ZNF385D: variants seen among roughly 807,000 people sequenced by gnomAD.
ZNF385D encodes zinc finger protein 385D.
Under a neutral mutation model 35.8 loss-of-function variants are expected in ZNF385D, and 15 were observed. The observed-to-expected ratio is 0.42, with a 90% confidence interval of 0.28 to 0.64. ZNF385D has a LOEUF of 0.64. Ranked by LOEUF, ZNF385D falls within the 30% of genes least tolerant of loss-of-function variation. ZNF385D has a pLI of 0.23. For synonymous variants in ZNF385D, 212 were observed against 186.8 expected (o/e 1.13, Z -1.10); for missense variants, 474 against 494.6 (o/e 0.96, Z 0.39).
chr3:22,080,099 GT>G (rs1700672545), intron 3 of ZNF385D, among the ~76,000 whole-genome samples: 1 of 152,092 alleles, frequency 6.6e-6, no homozygotes, highest in South Asian at 2.1e-4. Context: ...TTTATAAGAT[GT>G]TTTTGCCATT....
chr3:21,964,198 A>T (rs1444179283), intron 3 of ZNF385D, among the ~76,000 whole-genome samples: 1 of 151,978 alleles, frequency 6.6e-6, no homozygotes, highest in East Asian at 1.9e-4. Context: ...AATCAAGGTA[A>T]GTTTAAACTA....
In ZNF385D at chr3:21,757,120, C is replaced by CTTTTTTTTTTTTTTTTTTTTTTTTTTTT. The variant is rs61226426; in HGVS notation, c.326-92093_326-92092insAAAAAAAAAAAAAAAAAAAAAAAAAAAA. On this transcript the variant is annotated intron_variant, in intron 3 of 5. Transcript: ENST00000494108. ...CTTTGGAGACATATGATAAATTTCTCTTTTTTTTTTTTTTTTTTTGTTTTC... is the reference window on the plus strand; with the variant it reads ...CTTTGGAGACATATGATAAATTTCTCTTTTTTTTTTTTTTTTTTTTTTTTTTTTTTTTTTTTTTTTTTTTTTTGTTTTC... Among the ~76,000 whole-genome samples the CTTTTTTTTTTTTTTTTTTTTTTTTTTTT allele has an allele frequency of 2.8e-4, 30 of 106,402 alleles. 3 individuals are homozygous for CTTTTTTTTTTTTTTTTTTTTTTTTTTTT. Among genetic ancestry groups the CTTTTTTTTTTTTTTTTTTTTTTTTTTTT allele is most frequent in the African/African-American group, 8.3e-4 (23 of 27,870 alleles). The allele number at this position is 106,402 out of a possible 152,430, so 69.8% of individuals were successfully genotyped here. A position where few individuals can be genotyped will look rare whatever the true frequency, so the allele number is the denominator to read the frequency against.
At chr3:22,139,522 A>C in intron 3 of ZNF385D, among the ~76,000 whole-genome samples, 1 of 150,956 alleles carries the variant, frequency 6.6e-6, no homozygotes, top group East Asian at 2.0e-4. Context: ...AGGACAACAA[A>C]CCAAACACCT....
chr3:22,153,948 CCTCT>C (rs1324551077), intron 3 of ZNF385D, among the ~76,000 whole-genome samples: 2 of 152,160 alleles, frequency 1.3e-5, no homozygotes, highest in African/African-American at 2.4e-5. Context: ...GCACTCTCTC[CCTCT>C]GTTAGTTCAC....
At chr3:22,133,033 G>A (rs542097973) in intron 3 of ZNF385D, among the ~76,000 whole-genome samples, 24 of 152,012 alleles carry the variant, frequency 1.6e-4, no homozygotes, top group African/African-American at 4.8e-4. Context: ...GTTTCCCCAA[G>A]GACTAAAATT....
chr3:21,607,045 G>T (rs1388359635), intron 2 of ZNF385D, among the ~76,000 whole-genome samples: 2 of 152,004 alleles, frequency 1.3e-5, no homozygotes, highest in Admixed American at 6.6e-5. Context: ...TCACTTCTGA[G>T]GCACTTACAG....
chr3:22,341,815 T>A (rs777694134), intron 2 of ZNF385D, among the ~76,000 whole-genome samples: 19 of 152,210 alleles, frequency 1.2e-4, no homozygotes, highest in Non-Finnish European at 2.2e-4. Flanking sequence ...ATTAATGCAT[T>A]ATAATCCTTA....
intron 4 of ZNF385D, among the ~76,000 whole-genome samples, chr3:21,480,096 A>G (rs1300908814): frequency 6.9e-6 from 1 of 144,892 alleles, no homozygotes; most frequent in Non-Finnish European, 1.5e-5. Flanking sequence ...CAGAGAATGT[A>G]AGAATTTTTT....
chr3:22,108,206 CAT>C (rs1479748873), intron 3 of ZNF385D, among the ~76,000 whole-genome samples: 1 of 152,122 alleles, frequency 6.6e-6, no homozygotes, highest in Non-Finnish European at 1.5e-5. Flanking sequence ...TACATACACA[CAT>C]ATATAGAGGA....
rs571978176 is a variant in ZNF385D, at chr3:22,164,216, C to CTTTTTTTTTTTTTTTTTT, written c.325+4583_325+4600dup. Among the ~76,000 whole-genome samples, 137 of 74,934 alleles carry CTTTTTTTTTTTTTTTTTT rather than the reference C, an allele frequency of 1.8e-3. 14 individuals carry two copies. The highest frequency in any genetic ancestry group is 2.0e-3 in the Non-Finnish European group (81 of 39,766). 49.2% of individuals were successfully genotyped at this position (74,934 alleles called of 152,430 possible). A position where few individuals can be genotyped will look rare whatever the true frequency, so the allele number is the denominator to read the frequency against. On this transcript the variant is annotated intron_variant, in intron 3 of 5. Coordinates refer to the ZNF385D transcript ENST00000494108. ...CACTATAGGTAATACAAAAGGAGCA[C>CTTTTTTTTTTTTTTTTTT]TTTTTTTTTTTTTTTTTTTTTTTTT...
At chr3:21,863,266 T>C (rs375991314) in intron 3 of ZNF385D, among the ~76,000 whole-genome samples, 8 of 152,158 alleles carry the variant, frequency 5.3e-5, no homozygotes, top group African/African-American at 1.9e-4. Flanking sequence ...ATTTGTCTCA[T>C]TCGTTTAAAT....
intron 3 of ZNF385D, among the ~76,000 whole-genome samples, chr3:22,060,567 ATG>A (rs1265773458): frequency 6.6e-6 from 1 of 152,190 alleles, no homozygotes; most frequent in African/African-American, 2.4e-5. Flanking sequence ...AATGCACTAA[ATG>A]TTCTGGGAAA....
chr3:22,037,852 A>G (rs982200767), intron 3 of ZNF385D, among the ~76,000 whole-genome samples: 19 of 152,122 alleles, frequency 1.2e-4, no homozygotes, highest in Non-Finnish European at 2.4e-4. Flanking sequence ...GTCTAACAAA[A>G]CAGCATGGTA....
intron 2 of ZNF385D, among the ~76,000 whole-genome samples, chr3:21,577,046 A>G (rs1035368589): frequency 4.1e-4 from 63 of 152,204 alleles, no homozygotes; most frequent in African/African-American, 1.4e-3. Context: ...ATTTGAAGAT[A>G]CAGAATAAGA....
intron 3 of ZNF385D, among the ~76,000 whole-genome samples, chr3:21,960,725 T>C (rs188060442): frequency 1.3e-5 from 2 of 152,074 alleles, no homozygotes; most frequent in Admixed American, 6.6e-5. Context: ...GAAAATATGA[T>C]ATATATATAC....
chr3:21,951,654 A>G (rs1236205503), intron 3 of ZNF385D, among the ~76,000 whole-genome samples: 2 of 151,588 alleles, frequency 1.3e-5, no homozygotes, highest in Non-Finnish European at 2.9e-5. Context: ...TTCCATGACA[A>G]TGCTTTGCTT....
At chr3:21,982,159 T>G (rs1408460371) in intron 3 of ZNF385D, among the ~76,000 whole-genome samples, 2 of 151,714 alleles carry the variant, frequency 1.3e-5, no homozygotes, top group Non-Finnish European at 2.9e-5. Context: ...TAAATTGCTG[T>G]GGGCAGTATA....
chr3:21,951,308 A>G (rs899904322), intron 3 of ZNF385D, among the ~76,000 whole-genome samples: 1 of 151,528 alleles, frequency 6.6e-6, no homozygotes, highest in Non-Finnish European at 1.5e-5. Context: ...CTTTGTAGCA[A>G]TTGTGAATGG....
chr3:22,104,468 G>A (rs1702104318), intron 3 of ZNF385D, among the ~76,000 whole-genome samples: 1 of 152,108 alleles, frequency 6.6e-6, no homozygotes, highest in African/African-American at 2.4e-5. Context: ...TTTAAATCCA[G>A]CTATTTCTTC....
Sources: allele counts gnomAD v4.1 joint callset (sites outside exome capture counted in the v4.1 genomes callset), GRCh38; gene constraint gnomAD v4.1.1; transcripts MANE v1.5; gene names NCBI Gene and HGNC (gene_info 2026-07-23, HGNC 2026-07-21).